MAGI1: variants seen among roughly 807,000 people sequenced by gnomAD.
MAGI1 encodes the protein membrane-associated guanylate kinase, WW and PDZ domain-containing protein 1.
In MAGI1, 58 loss-of-function variants were observed where a neutral mutation model predicts 139.9. The observed-to-expected ratio is 0.41, with a 90% CI of 0.34 to 0.52. The LOEUF is 0.52. MAGI1 is among the 20% of genes least tolerant of loss of function. The pLI is 0.12. For missense variants in MAGI1, 1,874 were observed against 1,901.6 expected, an observed-to-expected ratio of 0.99 and a Z score of 0.27; for synonymous variants, 812 against 737.9, an observed-to-expected ratio of 1.10 and a Z score of -1.63.
chr3:65,934,140 A>G (rs1338692675), intron 1 of MAGI1, among the ~76,000 whole-genome samples: 1 of 152,202 alleles, frequency 6.6e-6, no homozygotes, highest in Non-Finnish European at 1.5e-5. Context: ...AAACAAAAAC[A>G]AAAACAAATC....
intron 2 of MAGI1, among the ~76,000 whole-genome samples, chr3:65,550,301 G>A (rs930919105): frequency 6.6e-6 from 1 of 152,174 alleles, no homozygotes; most frequent in African/African-American, 2.4e-5. Flanking sequence ...ACTCAGCTAA[G>A]AAATGCTGGA....
At chr3:65,894,139 C>T (rs2108588157) in intron 1 of MAGI1, among the ~76,000 whole-genome samples, 1 of 152,298 alleles carries the variant, frequency 6.6e-6, no homozygotes, top group Non-Finnish European at 1.5e-5. Flanking sequence ...GACATCACTA[C>T]CCGCCTCCCT....
At chr3:65,846,725 TAACTTAC>T (rs2059011463) in intron 1 of MAGI1, among the ~76,000 whole-genome samples, 1 of 152,138 alleles carries the variant, frequency 6.6e-6, no homozygotes. Flanking sequence ...AGAGGTAAAG[TAACTTAC>T]CCAAGGCAGG....
intron 1 of MAGI1, among the ~76,000 whole-genome samples, chr3:65,876,790 A>C (rs2060133973): frequency 6.8e-6 from 1 of 146,824 alleles, no homozygotes; most frequent in Admixed American, 6.8e-5. Flanking sequence ...GTCGCCCAGG[A>C]TGGAGTGCAG....
intron 1 of MAGI1, among the ~76,000 whole-genome samples, chr3:65,698,291 C>T (rs2089356454): frequency 7.1e-6 from 1 of 140,676 alleles, no homozygotes; most frequent in Non-Finnish European, 1.5e-5. Context: ...GTGAAAATGG[C>T]CATACTGCCC....
chr3:65,896,675 A>G (rs2060983457), intron 1 of MAGI1, among the ~76,000 whole-genome samples: 1 of 152,190 alleles, frequency 6.6e-6, no homozygotes, highest in South Asian at 2.1e-4. Flanking sequence ...CGTCTCAAAC[A>G]AACAAACAAA....
rs566293524 is a variant in MAGI1 at position 65,696,930 on chromosome 3, G to A, written c.314-74842C>T. ...ACCCTTCAAAAAAAGGTAATGAATCGAGGAGCTGGTTTTTTGAAAGGATCA... is the reference window on the plus strand; with the variant it reads ...ACCCTTCAAAAAAAGGTAATGAATCAAGGAGCTGGTTTTTTGAAAGGATCA... On this transcript the variant is annotated intron_variant, in intron 1 of 22. Transcript: ENST00000402939. Among the ~76,000 whole-genome samples, 7 of 152,128 alleles carry A rather than the reference G, an allele frequency of 4.6e-5. No homozygotes were observed. The South Asian group carries it at 1.0e-3, about 23-fold the overall frequency.
chr3:65,567,891 T>G (rs1312323113), intron 2 of MAGI1, among the ~76,000 whole-genome samples: 3 of 152,184 alleles, frequency 2.0e-5, no homozygotes, highest in Non-Finnish European at 4.4e-5. Flanking sequence ...TACGTTGCTG[T>G]AACGTATCCC....
chr3:65,375,706 A>T, intron 18 of MAGI1, 39 bp downstream of exon 18: 8 of 1,406,418 alleles, frequency 5.7e-6, no homozygotes, highest in Non-Finnish European at 8.0e-6. Flanking sequence ...GAGAGAGAGA[A>T]AAAGAGAGAG....
intron 12 of MAGI1, among the ~76,000 whole-genome samples, chr3:65,427,692 A>G (rs1947156133): frequency 6.6e-6 from 1 of 152,210 alleles, no homozygotes; most frequent in South Asian, 2.1e-4. Context: ...GAAACCACAG[A>G]GCCAGGGTGA....
intron 1 of MAGI1, among the ~76,000 whole-genome samples, chr3:65,652,566 G>A (rs1322808115): frequency 6.6e-6 from 1 of 152,152 alleles, no homozygotes; most frequent in Non-Finnish European, 1.5e-5. Context: ...ATCACCCTCA[G>A]TTGAGAGCTA....
intron 1 of MAGI1, among the ~76,000 whole-genome samples, chr3:65,690,680 A>G: frequency 8.8e-6 from 1 of 113,052 alleles, no homozygotes; most frequent in South Asian, 3.6e-4. Flanking sequence ...GGGTTTCACC[A>G]TGTTGCCCAG....
intron 1 of MAGI1, among the ~76,000 whole-genome samples, chr3:65,759,690 A>G (rs955267818): frequency 6.6e-6 from 1 of 152,224 alleles, no homozygotes; most frequent in Non-Finnish European, 1.5e-5. Context: ...TATTAAAGGC[A>G]TAAAAGAAAG....
intron 1 of MAGI1, among the ~76,000 whole-genome samples, chr3:66,017,204 C>T (rs1181169841): frequency 6.6e-6 from 1 of 152,238 alleles, no homozygotes; most frequent in Non-Finnish European, 1.5e-5. Flanking sequence ...CCAAGTTGCA[C>T]TGCCGGGAAC....
chr3:65,933,994 G>T (rs2062928466), intron 1 of MAGI1, among the ~76,000 whole-genome samples: 1 of 152,088 alleles, frequency 6.6e-6, no homozygotes. Flanking sequence ...GGGCTTGGTG[G>T]TGGGCATCTG....
chr3:65,875,786 T>C (rs1457707465), intron 1 of MAGI1, among the ~76,000 whole-genome samples: 1 of 152,198 alleles, frequency 6.6e-6, no homozygotes, highest in Non-Finnish European at 1.5e-5. Flanking sequence ...TAGTACTGAC[T>C]GAGCTCTTAC....
At chr3:65,494,085 C>A (rs1439838366) in intron 2 of MAGI1, among the ~76,000 whole-genome samples, 2 of 152,116 alleles carry the variant, frequency 1.3e-5, no homozygotes, top group Non-Finnish European at 2.9e-5. Flanking sequence ...CCGGCAAGTT[C>A]CAAAGCCCTT....
At chr3:65,778,335 C>A (rs1176154398) in intron 1 of MAGI1, among the ~76,000 whole-genome samples, 1 of 150,426 alleles carries the variant, frequency 6.6e-6, no homozygotes, top group Non-Finnish European at 1.5e-5. Context: ...GAGGCTGAGG[C>A]AGGAGAATCG....
intron 1 of MAGI1, among the ~76,000 whole-genome samples, chr3:65,765,557 C>A (rs537995503): frequency 2.6e-5 from 4 of 152,148 alleles, no homozygotes; most frequent in African/African-American, 9.7e-5. Flanking sequence ...AGTCAGGATT[C>A]GGGCCCAGGA....
Sources: allele counts gnomAD v4.1 joint callset (sites outside exome capture counted in the v4.1 genomes callset), GRCh38; gene constraint gnomAD v4.1.1; transcripts MANE v1.5; gene names NCBI Gene and HGNC (gene_info 2026-07-23, HGNC 2026-07-21).